Variants in GALNTL6 observed in about 807,000 individuals in gnomAD.
The protein encoded by GALNTL6 is polypeptide N-acetylgalactosaminyltransferase like 6.
GALNTL6 carries 46 observed loss-of-function variants against 73.7 expected under a neutral mutation model. That is an observed-to-expected ratio of 0.62 (90% CI 0.49 to 0.80). The LOEUF is 0.80. GALNTL6 is among the 30% of genes least tolerant of loss of function. The probability of loss-of-function intolerance (pLI) is 0.00; values close to 1 mark genes in which losing one functional copy is unlikely to be tolerated. For missense variants in GALNTL6, 604 were observed against 755.0 expected (o/e 0.80, Z 2.34); for synonymous variants, 259 against 263.7 (o/e 0.98, Z 0.17).
intron 5 of GALNTL6, among the ~76,000 whole-genome samples, chr4:172,466,805 C>G (rs1179679266): frequency 6.6e-6 from 1 of 152,192 alleles, no homozygotes; most frequent in Non-Finnish European, 1.5e-5. Context: ...CTTTAGATAA[C>G]TAGTGTCTTA....
chr4:172,357,823 T>C (rs561129433), intron 5 of GALNTL6, among the ~76,000 whole-genome samples: 1 of 152,134 alleles, frequency 6.6e-6, no homozygotes, highest in Non-Finnish European at 1.5e-5. Flanking sequence ...TTTTATATCC[T>C]GAATAAACTC....
In GALNTL6 at chr4:172,336,276, T is replaced by G. The variant is rs200815380; in HGVS notation, c.387-12247T>G. The stretch of plus-strand genomic sequence containing the variant: ...CTCTTCTTGGTATAGTTTTGTTTTG[T>G]TTTTTTTTTTTTTTGACTGAGTCTC... On this transcript the variant is annotated intron_variant, in intron 4 of 12. Transcript: ENST00000506823. Among the ~76,000 whole-genome samples the G allele has an allele frequency of 8.8e-3, 1,165 of 132,560 alleles. 75 individuals carry two copies. Among genetic ancestry groups the G allele is most frequent in the African/African-American group, 0.032 (1,107 of 34,792 alleles). The allele number at this position is 132,560 out of a possible 152,430, so 87.0% of individuals were successfully genotyped here.
chr4:172,561,607 A>T (rs6824098), intron 5 of GALNTL6, among the ~76,000 whole-genome samples: 3,060 of 152,274 alleles, frequency 0.02, 95 homozygotes, highest in African/African-American at 0.066. Flanking sequence ...CCTGGCTGTG[A>T]CACTCAGTCA....
intron 2 of GALNTL6, among the ~76,000 whole-genome samples, chr4:171,979,998 T>C (rs1739848638): frequency 6.6e-6 from 1 of 151,806 alleles, no homozygotes; most frequent in Non-Finnish European, 1.5e-5. Flanking sequence ...AAAATAAAAT[T>C]CCAAAACCCA....
At chr4:172,292,696 G>A (rs990912513) in intron 3 of GALNTL6, among the ~76,000 whole-genome samples, 2 of 152,094 alleles carry the variant, frequency 1.3e-5, no homozygotes, top group African/African-American at 4.8e-5. Flanking sequence ...GAAAATGTTG[G>A]TATAAAGACA....
chr4:173,014,827 GAC>G (rs1752710967), intron 11 of GALNTL6, among the ~76,000 whole-genome samples: 1 of 152,176 alleles, frequency 6.6e-6, no homozygotes, highest in Non-Finnish European at 1.5e-5. Context: ...CAGGCAACAT[GAC>G]ACATATCACA....
At chr4:172,193,588 C>T (rs773302249) in intron 2 of GALNTL6, among the ~76,000 whole-genome samples, 4 of 152,240 alleles carry the variant, frequency 2.6e-5, no homozygotes, top group African/African-American at 7.2e-5. Context: ...ATTGGCCGGG[C>T]GTGGTGGCTC....
At chr4:172,760,305 C>T (rs577027903) in intron 5 of GALNTL6, among the ~76,000 whole-genome samples, 1 of 152,246 alleles carries the variant, frequency 6.6e-6, no homozygotes, top group East Asian at 1.9e-4. Context: ...CTGTTATGTA[C>T]AGGAGGCTGC....
At chr4:172,724,316 C>T (rs958252680) in intron 5 of GALNTL6, among the ~76,000 whole-genome samples, 2 of 152,146 alleles carry the variant, frequency 1.3e-5, no homozygotes, top group Non-Finnish European at 2.9e-5. Flanking sequence ...TTATTCAAAC[C>T]TAAGCAACAC....
intron 7 of GALNTL6, among the ~76,000 whole-genome samples, chr4:172,852,861 G>A (rs1743910682): frequency 6.6e-6 from 1 of 152,130 alleles, no homozygotes. Context: ...TATCCCATGG[G>A]TGTGTTATGA....
Position 173,021,555 on chromosome 4 carries a change from C to T in GALNTL6, c.1568C>T (p.Ser523Leu). 1.9e-6 allele frequency: 3 copies of T among 1,614,144 alleles called. No homozygotes were observed. The highest frequency in any genetic ancestry group is 2.5e-6 in the Non-Finnish European group (3 of 1,179,968). Residue 523 changes from serine (S) to leucine (L), a missense_variant, in exon 12 of 13, where the codon TCA (serine) becomes TTA (leucine). Physicochemically the swap from Ser to Leu is moderately radical, Grantham distance 145. Transcript: ENST00000506823. ...HTRKFCFDAI[S>L]HNSPVTLYDC... ...CGGAAATTCTGCTTTGATGCGATCT[C>T]ACACAACAGCCCCGTTACACTCTAT...
intron 5 of GALNTL6, among the ~76,000 whole-genome samples, chr4:172,530,307 C>A (rs545751524): frequency 6.6e-6 from 1 of 152,248 alleles, no homozygotes; most frequent in East Asian, 1.9e-4. Context: ...ACATGAAATG[C>A]TTCTTTCTTT....
intron 2 of GALNTL6, among the ~76,000 whole-genome samples, chr4:172,012,337 A>G (rs1741036935): frequency 6.6e-6 from 1 of 151,808 alleles, no homozygotes; most frequent in Admixed American, 6.6e-5. Flanking sequence ...CCCAAGTACA[A>G]CCCTTCTTCC....
chr4:172,267,207 CA>C (rs768237895), intron 3 of GALNTL6, among the ~76,000 whole-genome samples: 53 of 152,106 alleles, frequency 3.5e-4, no homozygotes, highest in Admixed American at 1.1e-3. Context: ...TTGATGGTTA[CA>C]AATGCTATAA....
chr4:172,225,949 T>C (rs568804526), intron 2 of GALNTL6, among the ~76,000 whole-genome samples: 4 of 152,288 alleles, frequency 2.6e-5, no homozygotes, highest in African/African-American at 9.6e-5. Flanking sequence ...CTGATTCCAC[T>C]ACCATTATAA....
intron 2 of GALNTL6, among the ~76,000 whole-genome samples, chr4:172,196,048 T>A (rs1579240830): frequency 3.3e-5 from 4 of 122,292 alleles, no homozygotes; most frequent in African/African-American, 6.4e-5. Context: ...GACCACTAGC[T>A]AGACTAGTAA....
Position 172,075,736 on chromosome 4 carries a change from C to T in GALNTL6, c.139-153920C>T, listed in dbSNP as rs1005611134. On this transcript the variant is annotated intron_variant, in intron 2 of 12. Transcript: ENST00000506823. ...GGCATCTCCCTTCTGCTCTAATACC[C>T]TGCCAGAAATGAGAAAGAGAGAGAG... Among the ~76,000 whole-genome samples the T allele has an allele frequency of 2.6e-5, 4 of 152,000 alleles. No individual in the cohort carries two copies. The South Asian group carries it at 8.3e-4, about 32-fold the overall frequency.
chr4:172,255,994 A>G (rs913917222), intron 3 of GALNTL6, among the ~76,000 whole-genome samples: 1 of 151,500 alleles, frequency 6.6e-6, no homozygotes, highest in Non-Finnish European at 1.5e-5. Context: ...TTCCAGTTCT[A>G]TGCATATCGC....
At chr4:172,517,920 C>A (rs962426577) in intron 5 of GALNTL6, among the ~76,000 whole-genome samples, 1 of 151,996 alleles carries the variant, frequency 6.6e-6, no homozygotes, top group African/African-American at 2.4e-5. Context: ...TTCTATTGAT[C>A]TAAAAATATA....
Sources: allele counts gnomAD v4.1 joint callset (sites outside exome capture counted in the v4.1 genomes callset), GRCh38; gene constraint gnomAD v4.1.1; transcripts MANE v1.5; gene names NCBI Gene and HGNC (gene_info 2026-07-23, HGNC 2026-07-21).